Variants in KL observed in about 807,000 individuals in gnomAD.
The protein encoded by KL is alpha-klotho.
Under a neutral mutation model 84.2 loss-of-function variants are expected in KL, and 62 were observed. That is an observed-to-expected ratio of 0.74 (90% CI 0.60 to 0.91). The LOEUF is 0.91. KL is among the 40% of genes least tolerant of loss of function. The pLI, the probability that KL is intolerant of heterozygous loss-of-function variation, is 0.00. For synonymous variants in KL, 528 were observed against 528.0 expected (o/e 1.00, Z 0.00); for missense variants, 1,261 against 1,305.7 (o/e 0.97, Z 0.53).
chr13:33,060,984 G>A lies in KL; in HGVS notation c.1905G>A (p.Val635=). The part of the protein sequence containing the change: ...ELVRVNITPV[V]ALWQPMAPNQ... ...TCCGTGTCAACATCACCCCAGTGGT[G>A]GCCCTGTGGCAGCCTATGGCCCCGA... is the stretch of plus-strand genomic sequence containing the variant. The change falls in exon 4 of 5, where the codon GTG becomes GTA. Residue 635 remains valine, a synonymous_variant. Coordinates refer to ENST00000380099, the MANE Select transcript of KL (RefSeq NM_004795.4). 1 of 1,612,670 alleles carries A rather than the reference G, an allele frequency of 6.2e-7. No homozygotes were observed. The highest frequency in any genetic ancestry group is 8.5e-7 in the Non-Finnish European group (1 of 1,178,920).
At chr13:33,052,415 T>G (rs140615019) in intron 1 of KL, among the ~76,000 whole-genome samples, 1 of 152,324 alleles carries the variant, frequency 6.6e-6, no homozygotes, top group African/African-American at 2.4e-5. Flanking sequence ...TTAGACCACA[T>G]AAGCAAGTGC....
At position 33,053,910 on chromosome 13, in the gene KL, C is replaced by A; in HGVS notation, c.963C>A (p.Asp321Glu). The change falls in exon 2 of 5, where the codon GAC (aspartate) becomes GAA (glutamate). Residue 321 changes from aspartate (D) to glutamate (E), a missense_variant. Coordinates refer to ENST00000380099, the MANE Select transcript of KL (RefSeq NM_004795.4). ...TCAAAGAATGTCAAAAATCTCTGGA[C>A]TTTGTACTAGGTTGGTTTGCCAAAC... ...HSIKECQKSLDFVLGWFAKPV... is the reference protein window; with the variant it reads ...HSIKECQKSLEFVLGWFAKPV... 2 of 1,614,152 alleles carry A rather than the reference C, an allele frequency of 1.2e-6. No homozygotes were observed. The highest frequency in any genetic ancestry group is 1.7e-6 in the Non-Finnish European group (2 of 1,180,030).
intron 3 of KL, among the ~76,000 whole-genome samples, chr13:33,056,141 T>C (rs950420495): frequency 3.3e-5 from 5 of 152,032 alleles, no homozygotes; most frequent in African/African-American, 9.7e-5. Context: ...AATGATGCAA[T>C]GGAGTGAAGC....
rs201936594 is a variant in KL at position 33,016,580 on chromosome 13, G to A, written c.140G>A (p.Arg47Gln). Residue 47 changes from arginine (R) to glutamine (Q), a missense_variant, in exon 1 of 5, where the codon CGG (arginine) becomes CAG (glutamine). Physicochemically the swap from Arg to Gln is conservative, Grantham distance 43. Coordinates refer to ENST00000380099, the MANE Select transcript of KL (RefSeq NM_004795.4). ...GCGCAGACCTGGGCCCGTTTCTCGCGGCCTCCTGCCCCCGAGGCCGCGGGC... is the reference window on the plus strand; with the variant it reads ...GCGCAGACCTGGGCCCGTTTCTCGCAGCCTCCTGCCCCCGAGGCCGCGGGC... ...DGAQTWARFS[R>Q]PPAPEAAGLF... 3,205 of 1,483,644 alleles carry A rather than the reference G, an allele frequency of 2.2e-3. 62 individuals carry two copies. The African/African-American group carries it at 0.037, about 17-fold the overall frequency. 91.9% of individuals were successfully genotyped at this position (1,483,644 alleles called of 1,614,324 possible).
intron 3 of KL, 141 bp downstream of exon 3, chr13:33,055,456 C>A: frequency 1.0e-6 from 1 of 983,678 alleles, no homozygotes; most frequent in South Asian, 1.4e-5. Flanking sequence ...ACTAAGGGCA[C>A]AATTTGGAAT....
At chr13:33,043,727 C>T (rs1012862960) in intron 1 of KL, among the ~76,000 whole-genome samples, 5 of 152,098 alleles carry the variant, frequency 3.3e-5, no homozygotes, top group Non-Finnish European at 7.4e-5. Context: ...GATAGGTAGG[C>T]TTACGTATTT....
intron 1 of KL, among the ~76,000 whole-genome samples, chr13:33,033,765 G>T (rs902131962): frequency 1.3e-5 from 2 of 151,928 alleles, no homozygotes; most frequent in African/African-American, 4.8e-5. Flanking sequence ...ACTACTTCTG[G>T]GGGCCTCGAG....
At chr13:33,016,403 G>T, upstream of KL, 1 of 633,064 alleles carries the variant, frequency 1.6e-6, no homozygotes, top group Non-Finnish European at 2.0e-6. Context: ...GCATAAAGGG[G>T]CGCGGCGCGG....
chr13:33,021,920 A>T (rs1870590458), intron 1 of KL, among the ~76,000 whole-genome samples: 1 of 152,196 alleles, frequency 6.6e-6, no homozygotes, highest in Non-Finnish European at 1.5e-5. Flanking sequence ...AGAATAATCA[A>T]CTGGATTGAA....
chr13:33,025,302 T>C (rs1305207969), intron 1 of KL, among the ~76,000 whole-genome samples: 2 of 152,214 alleles, frequency 1.3e-5, no homozygotes, highest in African/African-American at 4.8e-5. Context: ...TTTTGGACTT[T>C]GCAGATCCTA....
In KL at chr13:33,017,247, C is replaced by T; in HGVS notation, c.807C>T (p.His269=). 1 of 1,576,556 alleles carries T rather than the reference C, an allele frequency of 6.3e-7. No homozygotes were observed. Among genetic ancestry groups the T allele is most frequent in the East Asian group, 2.3e-5 (1 of 44,064 alleles). ...CGCGGCTCGGGTACCTGGTGGCGCA[C>T]AACCTCCTCCTGGTGAGTGCGAGGG... The part of the protein sequence containing the change: ...GSPRLGYLVA[H]NLLLAHAKVW... Residue 269 remains histidine (H), a synonymous_variant, in exon 1 of 5, where the codon CAC becomes CAT. Coordinates refer to ENST00000380099, the MANE Select transcript of KL (RefSeq NM_004795.4).
At chr13:33,052,243 C>A (rs1871782646) in intron 1 of KL, among the ~76,000 whole-genome samples, 1 of 152,204 alleles carries the variant, frequency 6.6e-6, no homozygotes, top group Admixed American at 6.5e-5. Flanking sequence ...GCTGGGACTG[C>A]AGGCATGAGC....
intron 1 of KL, among the ~76,000 whole-genome samples, chr13:33,029,823 C>A (rs186053154): frequency 6.6e-6 from 1 of 152,016 alleles, no homozygotes; most frequent in Non-Finnish European, 1.5e-5. Context: ...TTAGTAGAGA[C>A]GGGGTTTCAC....
intron 1 of KL, among the ~76,000 whole-genome samples, chr13:33,035,160 G>A (rs561136755): frequency 6.6e-6 from 1 of 152,274 alleles, no homozygotes; most frequent in East Asian, 1.9e-4. Context: ...TCATTTTCCT[G>A]TAATTGTATC....
At chr13:33,032,264 A>G (rs1038919414) in intron 1 of KL, among the ~76,000 whole-genome samples, 1 of 152,178 alleles carries the variant, frequency 6.6e-6, no homozygotes, top group Non-Finnish European at 1.5e-5. Flanking sequence ...TGTTCCCATT[A>G]CTATTTCTGC....
chr13:33,049,586 A>G (rs549043943), intron 1 of KL, among the ~76,000 whole-genome samples: 1 of 152,282 alleles, frequency 6.6e-6, no homozygotes, highest in Non-Finnish European at 1.5e-5. Flanking sequence ...GTAAGAGTGA[A>G]GGAACTGGGA....
chr13:33,021,884 C>CA (rs989612524), intron 1 of KL, among the ~76,000 whole-genome samples: 69 of 152,098 alleles, frequency 4.5e-4, no homozygotes, highest in African/African-American at 1.6e-3. Context: ...AACTCCATCT[C>CA]AAAAAAATGT....
At chr13:33,027,037 T>G (rs980690359) in intron 1 of KL, among the ~76,000 whole-genome samples, 1 of 152,192 alleles carries the variant, frequency 6.6e-6, no homozygotes, top group African/African-American at 2.4e-5. Flanking sequence ...CTGGGGTCCT[T>G]GCTGGATCGT....
chr13:33,029,292 G>C (rs1321130503), intron 1 of KL, among the ~76,000 whole-genome samples: 1 of 152,074 alleles, frequency 6.6e-6, no homozygotes, highest in African/African-American at 2.4e-5. Context: ...AAAGAAATAG[G>C]GTTATGAATA....
Sources: allele counts gnomAD v4.1 joint callset (sites outside exome capture counted in the v4.1 genomes callset), GRCh38; gene constraint gnomAD v4.1.1; transcripts MANE v1.5; gene names NCBI Gene and HGNC (gene_info 2026-07-23, HGNC 2026-07-21).